The following AKIRIN1 variants were observed in gnomAD, a reference collection of about 807,000 sequenced individuals.
The protein encoded by AKIRIN1 is akirin 1, also known as akirin-1.
Under a neutral mutation model 25.9 loss-of-function variants are expected in AKIRIN1, and 4 were observed. The observed-to-expected ratio is 0.15, with a 90% CI of 0.08 to 0.35. The LOEUF (loss-of-function observed/expected upper bound fraction) is 0.35, where lower values mean the gene tolerates loss of function less well. Ranked by LOEUF, AKIRIN1 falls within the 10% of genes least tolerant of loss-of-function variation. The pLI, the probability that AKIRIN1 is intolerant of heterozygous loss-of-function variation, is 1.00. For missense variants in AKIRIN1, 243 were observed against 266.1 expected (o/e 0.91, Z 0.61); for synonymous variants, 125 against 105.1 (o/e 1.19, Z -1.16).
Position 39,001,024 on chromosome 1 carries a change from C to T in AKIRIN1, c.414C>T (p.Gly138=), listed in dbSNP as rs769714458. ...CCACATTTACCCTCCGACAAGTTGGCATAATATGTGAGCGCCTCTTAAAAG... is the reference window on the plus strand; with the variant it reads ...CCACATTTACCCTCCGACAAGTTGGTATAATATGTGAGCGCCTCTTAAAAG... The part of the protein sequence containing the change: ...DQPTFTLRQV[G]IICERLLKDY... Residue 138 remains glycine, a synonymous_variant, in exon 3 of 5, where the codon GGC becomes GGT. Transcript: ENST00000432648. 2 of 1,613,796 alleles carry T rather than the reference C, an allele frequency of 1.2e-6. No homozygotes were observed. Among genetic ancestry groups the T allele is most frequent in the Admixed American group, 3.3e-5 (2 of 59,948 alleles).
Position 38,991,567 on chromosome 1 carries a change from C to A in AKIRIN1, c.187C>A (p.Pro63Thr). The change falls in exon 1 of 5, where the codon CCG becomes ACG. Residue 63 changes from proline to threonine, a missense_variant. By Grantham distance (38) the Pro-to-Thr change is conservative. Around this residue, in one of 3 missense-constraint regions of AKIRIN1, gnomAD observed 190 missense variants for 174.4 expected, o/e 1.09. Coordinates refer to ENST00000432648, the MANE Select transcript of AKIRIN1 (RefSeq NM_024595.3). The stretch of plus-strand genomic sequence containing the variant: ...ACCGCAGAGTCTGCAGCAGCCCGCC[C>A]CGCCCGGCAGCGAGCGGCGCCTTCC... Reference protein sequence around the residue: ...TPPQSLQQPAPPGSERRLPTP... With the variant: ...TPPQSLQQPATPGSERRLPTP... The A allele has an allele frequency of 7.3e-7, 1 of 1,372,826 alleles. No individual in the cohort carries two copies. The highest frequency in any genetic ancestry group is 9.4e-7 in the Non-Finnish European group (1 of 1,065,882). 85.0% of individuals were successfully genotyped at this position (1,372,826 alleles called of 1,614,324 possible).
intron 2 of AKIRIN1, among the ~76,000 whole-genome samples, chr1:38,999,123 T>C (rs545250897): frequency 2.6e-5 from 4 of 152,310 alleles, no homozygotes; most frequent in African/African-American, 4.8e-5. Context: ...GCCTGCCATA[T>C]TGCCTCCTGT....
chr1:39,000,330 CT>C (rs1048830621), intron 2 of AKIRIN1, among the ~76,000 whole-genome samples: 6 of 140,990 alleles, frequency 4.3e-5, no homozygotes, highest in African/African-American at 7.7e-5. Context: ...TTAGGAGAAC[CT>C]TTTTTTTCTT....
intron 1 of AKIRIN1, among the ~76,000 whole-genome samples, chr1:38,992,505 G>T (rs1643913992): frequency 6.6e-6 from 1 of 152,102 alleles, no homozygotes; most frequent in African/African-American, 2.4e-5. Flanking sequence ...AAAACCTTAG[G>T]CTCACCGTAA....
At position 39,003,364 on chromosome 1, in the gene AKIRIN1, G is replaced by A; in HGVS notation, c.514G>A (p.Val172Met). The A allele has an allele frequency of 6.2e-7, 1 of 1,613,786 alleles. No individual in the cohort carries two copies. The highest frequency in any genetic ancestry group is 8.5e-7 in the Non-Finnish European group (1 of 1,179,952). ...TKLAEQYESF[V>M]KFTHDQIMRR... ...TCTCACAGAACAATATGAATCTTTT[G>A]TGAAATTCACACATGATCAGATTAT... Residue 172 changes from valine to methionine, a missense_variant, in exon 4 of 5, where the codon GTG (valine) becomes ATG (methionine). Around this residue, in one of 3 missense-constraint regions of AKIRIN1, gnomAD observed 25 missense variants for 45.3 expected, o/e 0.55. Transcript: ENST00000432648.
intron 2 of AKIRIN1, 71 bp downstream of exon 2, chr1:38,998,382 A>G: frequency 6.8e-7 from 1 of 1,473,150 alleles, no homozygotes; most frequent in East Asian, 2.3e-5. Context: ...TGAATCTAGA[A>G]TTGGCCTCCT....
At position 38,995,082 on chromosome 1, in the gene AKIRIN1, C is replaced by T. The variant is rs372908057; in HGVS notation, c.221-3089C>T. On this transcript the variant is annotated intron_variant, in intron 1 of 4. Transcript: ENST00000432648. Reference sequence around the variant, plus strand: ...CTGACCTCAGGTGATCTGCCCGCCTCGGCCTCCCAAAGTGCTGGGATTGCA... The same window carrying T: ...CTGACCTCAGGTGATCTGCCCGCCTTGGCCTCCCAAAGTGCTGGGATTGCA... 2.2e-3 allele frequency among the ~76,000 whole-genome samples: 342 copies of T among 152,198 alleles called. 3 individuals are homozygous for T. Among genetic ancestry groups the T allele is most frequent in the African/African-American group, 8.1e-3 (336 of 41,530 alleles).
At chr1:39,003,993 A>G in intron 4 of AKIRIN1, 52 bp from the exon 5 acceptor site, 2 of 1,526,806 alleles carry the variant, frequency 1.3e-6, no homozygotes, top group Non-Finnish European at 1.8e-6. Context: ...AAAGCATGAC[A>G]CTACAGTTTT....
At position 38,991,561 on chromosome 1, in the gene AKIRIN1, C is replaced by T; in HGVS notation, c.181C>T (p.Pro61Ser). 1 of 1,377,960 alleles carries T rather than the reference C, an allele frequency of 7.3e-7. No individual in the cohort carries two copies. The highest frequency in any genetic ancestry group is 9.4e-7 in the Non-Finnish European group (1 of 1,068,654). The allele number at this position is 1,377,960 out of a possible 1,614,324, so 85.4% of individuals were successfully genotyped here. ...TQTPPQSLQQ[P>S]APPGSERRLP... The stretch of plus-strand genomic sequence containing the variant: ...GACCCCACCGCAGAGTCTGCAGCAG[C>T]CCGCCCCGCCCGGCAGCGAGCGGCG... Residue 61 changes from proline (P) to serine (S), a missense_variant, in exon 1 of 5, where the codon CCC becomes TCC. Physicochemically the swap from Pro to Ser is moderately conservative, Grantham distance 74. This residue lies in a region of AKIRIN1 where 190 missense variants were observed against 174.4 expected (regional missense o/e 1.09). Coordinates refer to ENST00000432648, the MANE Select transcript of AKIRIN1 (RefSeq NM_024595.3).
chr1:38,999,609 C>T (rs1443439113), intron 2 of AKIRIN1, among the ~76,000 whole-genome samples: 1 of 152,016 alleles, frequency 6.6e-6, no homozygotes, highest in Non-Finnish European at 1.5e-5. Flanking sequence ...CTTGAGATTT[C>T]AGTAATATAA....
At position 39,004,111 on chromosome 1, in the gene AKIRIN1, C is replaced by G; in HGVS notation, c.*56C>G. 5 of 1,568,924 alleles carry G rather than the reference C, an allele frequency of 3.2e-6. No homozygotes were observed. The highest frequency in any genetic ancestry group is 4.4e-6 in the Non-Finnish European group (5 of 1,139,046). The stretch of plus-strand genomic sequence containing the variant: ...GACCTCAAGAGATGGCTGCTGTACA[C>G]TTTTTGCAACTGGTTTGATGTCACA... On this transcript the variant is annotated 3_prime_UTR_variant, in exon 5 of 5. Coordinates refer to ENST00000432648, the MANE Select transcript of AKIRIN1 (RefSeq NM_024595.3).
chr1:39,000,321 T>G (rs930304384), intron 2 of AKIRIN1, among the ~76,000 whole-genome samples: 1 of 151,024 alleles, frequency 6.6e-6, no homozygotes, highest in Non-Finnish European at 1.5e-5. Flanking sequence ...TGAACCTGAT[T>G]AGGAGAACCT....
intron 1 of AKIRIN1, among the ~76,000 whole-genome samples, chr1:38,997,446 G>T (rs559878840): frequency 5.0e-4 from 76 of 152,286 alleles, no homozygotes; most frequent in Non-Finnish European, 9.1e-4. Flanking sequence ...CTTGGTCGAT[G>T]TCCACACTGT....
rs560428173 is a variant in AKIRIN1 at position 39,004,092 on chromosome 1, A to C, written c.*37A>C. 2.5e-6 allele frequency: 4 copies of C among 1,602,526 alleles called. No individual in the cohort carries two copies. Among genetic ancestry groups the C allele is most frequent in the Non-Finnish European group, 3.4e-6 (4 of 1,169,522 alleles). The stretch of plus-strand genomic sequence containing the variant: ...ATATCTGGGTACCAGGTTTGACCTC[A>C]AGAGATGGCTGCTGTACACTTTTTG... On this transcript the variant is annotated 3_prime_UTR_variant, in exon 5 of 5. Coordinates refer to ENST00000432648, the MANE Select transcript of AKIRIN1 (RefSeq NM_024595.3).
rs566359265 is a variant in AKIRIN1, at chr1:39,000,203, G to A, written c.362-769G>A. Among the ~76,000 whole-genome samples the A allele has an allele frequency of 3.9e-5, 6 of 151,954 alleles. No individual in the cohort carries two copies. In the East Asian group the frequency reaches 1.2e-3, roughly 29 times the overall value. On this transcript the variant is annotated intron_variant, in intron 2 of 4. Coordinates refer to ENST00000432648, the MANE Select transcript of AKIRIN1 (RefSeq NM_024595.3). Reference sequence around the variant, plus strand: ...TGGCCAGGGCTGCTGCTTTTATCATGATCAGAAAGCCACTTGTGGGATTTG... The same window carrying A: ...TGGCCAGGGCTGCTGCTTTTATCATAATCAGAAAGCCACTTGTGGGATTTG...
chr1:38,992,281 T>C (rs980474551), intron 1 of AKIRIN1, among the ~76,000 whole-genome samples: 29 of 152,176 alleles, frequency 1.9e-4, no homozygotes, highest in Admixed American at 1.3e-4. Flanking sequence ...TAACTGTCCT[T>C]AACAGGGACT....
At chr1:38,991,739 C>G in intron 1 of AKIRIN1, 139 bp downstream of exon 1, 1 of 1,010,974 alleles carries the variant, frequency 9.9e-7, no homozygotes, top group Non-Finnish European at 1.3e-6. Flanking sequence ...ACTGGGATGC[C>G]GCTGGGCCTG....
At chr1:38,991,677 G>GGGCC in intron 1 of AKIRIN1, 77 bp downstream of exon 1, 9 of 192,406 alleles carry the variant, frequency 4.7e-5, no homozygotes, top group Non-Finnish European at 7.5e-5. Context: ...GGAGGGTTGG[G>GGGCC]AATACCAGGC....
chr1:38,996,012 C>T (rs894041903), intron 1 of AKIRIN1, among the ~76,000 whole-genome samples: 4 of 152,008 alleles, frequency 2.6e-5, no homozygotes, highest in African/African-American at 7.3e-5. Flanking sequence ...ACAGCCTGGG[C>T]GACAGGGTAA....
Sources: allele counts gnomAD v4.1 joint callset (sites outside exome capture counted in the v4.1 genomes callset), GRCh38; gene constraint gnomAD v4.1.1; regional missense constraint gnomAD v4.1.1; transcripts MANE v1.5; gene names NCBI Gene and HGNC (gene_info 2026-07-23, HGNC 2026-07-21).